KLC2: variants seen among roughly 807,000 people sequenced by gnomAD.
The protein encoded by KLC2 is KLC 2.
KLC2 carries 35 observed loss-of-function variants against 75.1 expected under a neutral mutation model. The observed-to-expected ratio is 0.47, with a 90% CI of 0.36 to 0.62. The LOEUF (loss-of-function observed/expected upper bound fraction) is 0.62, where lower values mean the gene tolerates loss of function less well. KLC2 is among the 20% of genes least tolerant of loss of function. The pLI, the probability that KLC2 is intolerant of heterozygous loss-of-function variation, is 0.00. For missense variants in KLC2, 611 were observed against 833.2 expected, an observed-to-expected ratio of 0.73 and a Z score of 3.28; for synonymous variants, 314 against 336.7, an observed-to-expected ratio of 0.93 and a Z score of 0.74.
chr11:66,262,080 C>T (rs1856473917), intron 3 of KLC2, 43 bp from the exon 4 acceptor site: 1 of 1,601,140 alleles, frequency 6.2e-7, no homozygotes. Context: ...CCCCGGCTGC[C>T]CTGTGCCTCC....
At position 66,266,212 on chromosome 11, in the gene KLC2, C is replaced by A. The variant is rs544409539; in HGVS notation, c.1722C>A (p.Asn574Lys). 1 of 1,602,124 alleles carries A rather than the reference C, an allele frequency of 6.2e-7. No homozygotes were observed. Among genetic ancestry groups the A allele is most frequent in the Admixed American group, 1.7e-5 (1 of 58,914 alleles). ...GGGGCACCCCCCAGGAGCCCCCTAA[C>A]CCCAGGTGAGCCCCCCACCAAGGTG... is the stretch of plus-strand genomic sequence containing the variant. ...LQGGTPQEPP[N>K]PRMKRASSLN... Residue 574 changes from asparagine to lysine, a missense_variant, in exon 14 of 16, where the codon AAC becomes AAA. Coordinates refer to ENST00000394067, the MANE Select transcript of KLC2 (RefSeq NM_001318734.2).
upstream of KLC2, among the ~76,000 whole-genome samples, chr11:66,252,658 C>G (rs951603563): frequency 6.6e-6 from 1 of 152,182 alleles, no homozygotes; most frequent in Non-Finnish European, 1.5e-5. Flanking sequence ...AATAACAGAC[C>G]ATGCCTAAAA....
chr11:66,257,863 C>CA lies in KLC2; in HGVS notation c.-19dup, dbSNP rs1856112335. On this transcript the variant is annotated 5_prime_UTR_variant, in exon 1 of 16. Coordinates refer to ENST00000394067, the MANE Select transcript of KLC2 (RefSeq NM_001318734.2). ...CAGAGTCGGAGCCGGGCCCGAGCAC[C>CA]AGGCGCAGGTCGGCGCGGGCCGATT... The CA allele has an allele frequency of 6.5e-6, 1 of 152,766 alleles. No homozygotes were observed. The highest frequency in any genetic ancestry group is 2.1e-4 in the South Asian group (1 of 4,860). 9.5% of individuals were successfully genotyped at this position (152,766 alleles called of 1,614,324 possible).
chr11:66,265,599 C>A, intron 11 of KLC2, 56 bp from the exon 12 acceptor site: 1 of 1,435,564 alleles, frequency 7.0e-7, no homozygotes, highest in Non-Finnish European at 9.6e-7. Context: ...GGGCTGGGTG[C>A]CAGGATGGGC....
At position 66,262,682 on chromosome 11, in the gene KLC2, G is replaced by A. The variant is rs1290464797; in HGVS notation, c.530-132G>A. 3 of 676,466 alleles carry A rather than the reference G, an allele frequency of 4.4e-6. No homozygotes were observed. In the Admixed American group the frequency reaches 7.3e-5, roughly 16 times the overall value. 41.9% of individuals were successfully genotyped at this position (676,466 alleles called of 1,614,324 possible). A position where few individuals can be genotyped will look rare whatever the true frequency, so the allele number is the denominator to read the frequency against. On this transcript the variant is annotated intron_variant, in intron 4 of 15. Coordinates refer to ENST00000394067, the MANE Select transcript of KLC2 (RefSeq NM_001318734.2). ...GGTAACTAGACCCATTCTATAAATGGGGAAACTGAGAAAGAGTGGTTAGTG... is the reference window on the plus strand; with the variant it reads ...GGTAACTAGACCCATTCTATAAATGAGGAAACTGAGAAAGAGTGGTTAGTG...
chr11:66,267,020 G>C lies in KLC2; in HGVS notation c.*64G>C. 13 of 1,585,448 alleles carry C rather than the reference G, an allele frequency of 8.2e-6. No individual in the cohort carries two copies. Among genetic ancestry groups the C allele is most frequent in the Non-Finnish European group, 1.1e-5 (13 of 1,169,762 alleles). On this transcript the variant is annotated 3_prime_UTR_variant, in exon 16 of 16. Coordinates refer to ENST00000394067, the MANE Select transcript of KLC2 (RefSeq NM_001318734.2). ...CACACCCCCCTCACCCCAGCCCTGC[G>C]CATGGGCCTGCTGCTTGTCCCGCCT...
At chr11:66,263,798 TCCCAGAGTCCTGCA>T (rs751632739) in intron 6 of KLC2, 39 bp from the exon 7 acceptor site, 2 of 1,583,164 alleles carry the variant, frequency 1.3e-6, no homozygotes, top group Admixed American at 3.3e-5. Context: ...CCCCTGCAGG[TCCCAGAGTCCTGCA>T]GGGCCTGAGT....
At chr11:66,264,488 G>A (rs1254689473) in intron 9 of KLC2, 44 bp downstream of exon 9, 1 of 1,364,854 alleles carries the variant, frequency 7.3e-7, no homozygotes. Context: ...TCCATCCCAG[G>A]CCCACTCTGC....
chr11:66,264,178 G>A lies in KLC2; in HGVS notation c.1075G>A (p.Gly359Arg), dbSNP rs1276648779. 3.8e-6 allele frequency: 6 copies of A among 1,571,414 alleles called. No homozygotes were observed. Among genetic ancestry groups the A allele is most frequent in the Middle Eastern group, 1.7e-4 (1 of 6,014 alleles). The change falls in exon 8 of 16, where the codon GGG (glycine) becomes AGG (arginine). Residue 359 changes from glycine (G) to arginine (R), a missense_variant. Coordinates refer to ENST00000394067, the MANE Select transcript of KLC2 (RefSeq NM_001318734.2). ...ACTGGAGATCTATGCTACACGCCTC[G>A]GGCCCGATGACCCCAATGTGGCCAA... ...RALEIYATRL[G>R]PDDPNVAKTK...
chr11:66,248,040 G>T, the KLC2 span, among the ~76,000 whole-genome samples: 1 of 152,180 alleles, frequency 6.6e-6, no homozygotes, highest in East Asian at 1.9e-4. Context: ...CAGTCACCAG[G>T]AGTTAAGGCT....
chr11:66,255,757 C>CT (rs111692323), upstream of KLC2, among the ~76,000 whole-genome samples: 2,382 of 141,610 alleles, frequency 0.017, 46 homozygotes, highest in African/African-American at 0.053. Flanking sequence ...GCTTGTTTGC[C>CT]TTTTTTTTTT....
At chr11:66,263,622 T>C (rs914266486) in intron 5 of KLC2, 38 bp from the exon 6 acceptor site, 4 of 1,446,418 alleles carry the variant, frequency 2.8e-6, no homozygotes, top group Non-Finnish European at 3.9e-6. Flanking sequence ...GGCCTTGAGC[T>C]GGAGGACAGC....
upstream of KLC2, among the ~76,000 whole-genome samples, chr11:66,255,109 G>T (rs1287622085): frequency 6.6e-6 from 1 of 152,236 alleles, no homozygotes. Flanking sequence ...ATGCTGGGCA[G>T]GTGGGAGTCC....
chr11:66,249,771 C>G, the KLC2 span, among the ~76,000 whole-genome samples: 1 of 152,166 alleles, frequency 6.6e-6, no homozygotes, highest in Admixed American at 6.5e-5. Context: ...TTGATCTTCC[C>G]CAGTCGGCAA....
Position 66,261,743 on chromosome 11 carries a change from T to G in KLC2, c.230T>G (p.Val77Gly), listed in dbSNP as rs1172865676. 6.2e-7 allele frequency: 1 copy of G among 1,608,312 alleles called. No individual in the cohort carries two copies. Among genetic ancestry groups the G allele is most frequent in the Non-Finnish European group, 8.5e-7 (1 of 1,176,838 alleles). Residue 77 changes from valine to glycine, a missense_variant and splice_region_variant, in exon 3 of 16, where the codon GTG (valine) becomes GGG (glycine). Transcript: ENST00000394067. ...CCCTTACCTGGGCTGGTTGCACAGG[T>G]GATCTTGGCATTGTCGAGCCACCTG... The part of the protein sequence containing the change: ...AIELGLGEAQ[V>G]ILALSSHLGA...
At position 66,266,155 on chromosome 11, in the gene KLC2, C is replaced by T. The variant is rs756055528; in HGVS notation, c.1665C>T (p.Arg555=). ...SFGKLRDALR[R]SSEMLVKKLQ... is the part of the protein sequence containing the mutation. ...GGAAACTCCGGGATGCCCTGAGGCG[C>T]AGCAGTGAGATGCTGGTAAAGAAGC... Residue 555 remains arginine (R), a synonymous_variant, in exon 14 of 16, where the codon CGC becomes CGT. Transcript: ENST00000394067. 3 of 1,613,588 alleles carry T rather than the reference C, an allele frequency of 1.9e-6. No individual in the cohort carries two copies. Among genetic ancestry groups the T allele is most frequent in the Non-Finnish European group, 2.5e-6 (3 of 1,179,856 alleles).
chr11:66,253,230 A>G (rs1273191924), upstream of KLC2, among the ~76,000 whole-genome samples: 1 of 152,056 alleles, frequency 6.6e-6, no homozygotes, highest in African/African-American at 2.4e-5. Context: ...CGGCCTCCCA[A>G]AGTGCTGGGA....
In KLC2 at chr11:66,261,736, G is replaced by A. The variant is rs1318559596; in HGVS notation, c.229-6G>A. 1.9e-6 allele frequency: 3 copies of A among 1,602,046 alleles called. No individual in the cohort carries two copies. Among genetic ancestry groups the A allele is most frequent in the Non-Finnish European group, 2.6e-6 (3 of 1,171,324 alleles). On this transcript the variant is annotated splice_polypyrimidine_tract_variant and splice_region_variant and intron_variant, in intron 2 of 15. Coordinates refer to ENST00000394067, the MANE Select transcript of KLC2 (RefSeq NM_001318734.2). ...CCTCCGACCCTTACCTGGGCTGGTT[G>A]CACAGGTGATCTTGGCATTGTCGAG...
chr11:66,244,320 T>G, the KLC2 span: 1 of 152,466 alleles, frequency 6.6e-6, no homozygotes, highest in African/African-American at 2.4e-5. Context: ...GGCCCCAGCC[T>G]GGGCCCAGAC....
Sources: allele counts gnomAD v4.1 joint callset (sites outside exome capture counted in the v4.1 genomes callset), GRCh38; gene constraint gnomAD v4.1.1; transcripts MANE v1.5; gene names NCBI Gene and HGNC (gene_info 2026-07-23, HGNC 2026-07-21).